WDR27: variants seen among roughly 807,000 people sequenced by gnomAD.
WDR27 encodes WD repeat domain 27.
In WDR27, 100 loss-of-function variants were observed where a neutral mutation model predicts 114.4. That is an observed-to-expected ratio of 0.87 (90% CI 0.74 to 1.03). The LOEUF (loss-of-function observed/expected upper bound fraction) is 1.03, where lower values mean the gene tolerates loss of function less well. WDR27 is among the 50% of genes least tolerant of loss of function. The pLI is 0.00. For missense variants in WDR27, 1,129 were observed against 1,092.9 expected (o/e 1.03, Z -0.47); for synonymous variants, 449 against 423.1 (o/e 1.06, Z -0.75).
At chr6:169,489,361 C>A (rs1400911886) in intron 25 of WDR27, among the ~76,000 whole-genome samples, 1 of 152,172 alleles carries the variant, frequency 6.6e-6, no homozygotes, top group Admixed American at 6.5e-5. Context: ...TTAGAAAATG[C>A]CAGCTCTGTG....
chr6:169,568,324 A>C (rs568399196), intron 25 of WDR27, among the ~76,000 whole-genome samples: 6 of 152,328 alleles, frequency 3.9e-5, no homozygotes, highest in African/African-American at 1.2e-4. Flanking sequence ...TGAAGGAAAA[A>C]AAACATTTCT....
At chr6:169,611,357 G>A (rs1425373761) in intron 22 of WDR27, among the ~76,000 whole-genome samples, 2 of 142,872 alleles carry the variant, frequency 1.4e-5, no homozygotes, top group Non-Finnish European at 3.0e-5. Context: ...CCAGGCTGGA[G>A]TGCAGTGGTG....
chr6:169,662,440 T>C lies in WDR27; in HGVS notation c.905-16A>G, dbSNP rs1423011636. ...TGGCTTTCTTCTAGGGACAGAATTATTGAGAATCTAAGAAGTGAACTTAAA... is the reference window on the plus strand; with the variant it reads ...TGGCTTTCTTCTAGGGACAGAATTACTGAGAATCTAAGAAGTGAACTTAAA... On this transcript the variant is annotated splice_polypyrimidine_tract_variant and intron_variant, in intron 8 of 25. Transcript: ENST00000448612. 9 of 1,613,128 alleles carry C rather than the reference T, an allele frequency of 5.6e-6. No individual in the cohort carries two copies. In the East Asian group the frequency reaches 6.7e-5, roughly 12 times the overall value.
intron 23 of WDR27, among the ~76,000 whole-genome samples, chr6:169,596,541 C>T (rs1287529588): frequency 6.6e-6 from 1 of 151,708 alleles, no homozygotes; most frequent in East Asian, 1.9e-4. Flanking sequence ...TAGTTTTCAC[C>T]TGTTTAGCAG....
At chr6:169,695,662 G>A (rs558374994) in intron 1 of WDR27, among the ~76,000 whole-genome samples, 7 of 152,230 alleles carry the variant, frequency 4.6e-5, no homozygotes, top group South Asian at 2.1e-4. Flanking sequence ...GCACGGTGGT[G>A]ACAGAGTAAC....
At chr6:169,567,127 A>G (rs1800628924) in intron 25 of WDR27, among the ~76,000 whole-genome samples, 1 of 152,172 alleles carries the variant, frequency 6.6e-6, no homozygotes, top group South Asian at 2.1e-4. Context: ...GAAATGAGTC[A>G]GGCACTTTGG....
chr6:169,466,306 G>C (rs893166281), intron 25 of WDR27, among the ~76,000 whole-genome samples: 2 of 152,306 alleles, frequency 1.3e-5, no homozygotes, highest in South Asian at 4.1e-4. Context: ...AACTGCCTGA[G>C]ACTGGGTAAT....
At chr6:169,446,991 T>C in the WDR27 span, among the ~76,000 whole-genome samples, 1 of 152,242 alleles carries the variant, frequency 6.6e-6, no homozygotes, top group Non-Finnish European at 1.5e-5. Flanking sequence ...ATTCTATACA[T>C]CTTTTTTTAT....
chr6:169,429,445 T>TTC, the WDR27 span, among the ~76,000 whole-genome samples: 44 of 151,580 alleles, frequency 2.9e-4, no homozygotes, highest in African/African-American at 4.1e-4. Flanking sequence ...TTTTTTTTTT[T>TTC]CCCAACTGAG....
chr6:169,547,034 A>C (rs1797544391), intron 25 of WDR27, among the ~76,000 whole-genome samples: 1 of 152,226 alleles, frequency 6.6e-6, no homozygotes, highest in African/African-American at 2.4e-5. Context: ...AAAGATAAAA[A>C]AAGAATTCTA....
At position 169,500,048 on chromosome 6, in the gene WDR27, C is replaced by A. The variant is rs146818062; in HGVS notation, c.2646-42414G>T. ...CAACTGGCAGGCTCCCACACTGGCT[C>A]CCTGCTCTGCAAAATGCGGGCTATT... On this transcript the variant is annotated intron_variant, in intron 25 of 25. Transcript: ENST00000448612. 5.9e-3 allele frequency among the ~76,000 whole-genome samples: 905 copies of A among 152,288 alleles called. 10 individuals are homozygous for A. Among genetic ancestry groups the A allele is most frequent in the African/African-American group, 0.019 (807 of 41,564 alleles).
chr6:169,681,334 A>G (rs1314089084), intron 2 of WDR27, among the ~76,000 whole-genome samples: 1 of 152,208 alleles, frequency 6.6e-6, no homozygotes, highest in Non-Finnish European at 1.5e-5. Flanking sequence ...TCTCCCGACA[A>G]TAACAAAAAT....
chr6:169,602,180 T>C (rs1444876995), intron 23 of WDR27, 39 bp downstream of exon 23: 3 of 1,466,042 alleles, frequency 2.0e-6, no homozygotes. Context: ...TACCAAAGTC[T>C]AGACTCTCTA....
At chr6:169,558,311 G>A (rs1316636851) in intron 25 of WDR27, 1 of 152,058 alleles carries the variant, frequency 6.6e-6, no homozygotes, top group Middle Eastern at 3.2e-3. Context: ...CAATTGAACA[G>A]GGCATGCTCA....
Position 169,668,157 on chromosome 6 carries a change from C to A in WDR27, c.485G>T (p.Arg162Leu). The A allele has an allele frequency of 4.3e-6, 7 of 1,613,970 alleles. No homozygotes were observed. Among genetic ancestry groups the A allele is most frequent in the Non-Finnish European group, 5.9e-6 (7 of 1,179,886 alleles). ...EQRFSVTYIERPDVNNRHKVP... is the reference protein window; with the variant it reads ...EQRFSVTYIELPDVNNRHKVP... ...TTTGTGGCGGTTATTAACATCAGGA[C>A]GTTCTATGTATGTCACAGAAAATCG... Residue 162 changes from arginine (R) to leucine (L), a missense_variant, in exon 5 of 26, where the codon CGT becomes CTT. Physicochemically the swap from Arg to Leu is moderately radical, Grantham distance 102. Transcript: ENST00000448612.
At chr6:169,647,273 T>C (rs1043337140) in intron 16 of WDR27, among the ~76,000 whole-genome samples, 4 of 152,146 alleles carry the variant, frequency 2.6e-5, no homozygotes, top group Non-Finnish European at 5.9e-5. Context: ...CGAGACACAC[T>C]CAGCCCTGCA....
In WDR27 at chr6:169,670,357, T is replaced by G. The variant is rs1778370875; in HGVS notation, c.456+212A>C. On this transcript the variant is annotated intron_variant, in intron 4 of 25. Transcript: ENST00000448612. ...CTGACACCCAGATTCCATAAAGAGT[T>G]TTAATATTTATATAAATATTGCTAT... 13 of 458,668 alleles carry G rather than the reference T, an allele frequency of 2.8e-5. No homozygotes were observed. The South Asian group carries it at 5.5e-4, about 20-fold the overall frequency. The allele number at this position is 458,668 out of a possible 1,614,324, so 28.4% of individuals were successfully genotyped here.
intron 21 of WDR27, among the ~76,000 whole-genome samples, chr6:169,621,828 GTATTCACGCATATACACACA>G (rs994673566): frequency 3.9e-5 from 6 of 151,942 alleles, no homozygotes; most frequent in Non-Finnish European, 5.9e-5. Flanking sequence ...ATATACACAC[GTATTCACGCATATACACACA>G]TATTCACGCA....
At chr6:169,503,105 C>T (rs953756929) in intron 25 of WDR27, among the ~76,000 whole-genome samples, 2 of 152,162 alleles carry the variant, frequency 1.3e-5, no homozygotes, top group African/African-American at 4.8e-5. Context: ...TCAAGCAAGA[C>T]ACCCTCTGCC....
Sources: allele counts gnomAD v4.1 joint callset (sites outside exome capture counted in the v4.1 genomes callset), GRCh38; gene constraint gnomAD v4.1.1; transcripts MANE v1.5; gene names NCBI Gene and HGNC (gene_info 2026-07-23, HGNC 2026-07-21).